CNOT4: variants seen among roughly 807,000 people sequenced by gnomAD.
The protein encoded by CNOT4 is CCR4-associated factor 4.
CNOT4 carries 8 observed loss-of-function variants against 73.8 expected under a neutral mutation model. The ratio of observed to expected loss-of-function variants is 0.11; its 90% CI spans 0.06 to 0.20. The LOEUF (loss-of-function observed/expected upper bound fraction) is 0.20, where lower values mean the gene tolerates loss of function less well. CNOT4 is among the 10% of genes least tolerant of loss of function. CNOT4 has a pLI of 1.00. For synonymous variants in CNOT4, 293 were observed against 321.1 expected, an observed-to-expected ratio of 0.91 and a Z score of 0.94; for missense variants, 564 against 883.4, an observed-to-expected ratio of 0.64 and a Z score of 4.58.
intron 1 of CNOT4, among the ~76,000 whole-genome samples, chr7:135,468,307 G>A (rs1801353826): frequency 6.6e-6 from 1 of 152,070 alleles, no homozygotes; most frequent in Non-Finnish European, 1.5e-5. Flanking sequence ...ATTTTGAATA[G>A]TTAATTTGTA....
At chr7:135,469,177 C>G (rs556488483) in intron 1 of CNOT4, among the ~76,000 whole-genome samples, 1 of 151,642 alleles carries the variant, frequency 6.6e-6, no homozygotes, top group South Asian at 2.1e-4. Context: ...TTTGTTTATT[C>G]AACAAATTAT....
intron 10 of CNOT4, among the ~76,000 whole-genome samples, chr7:135,375,392 A>C (rs1795461157): frequency 6.6e-6 from 1 of 152,218 alleles, no homozygotes; most frequent in Non-Finnish European, 1.5e-5. Context: ...ATTTTGGCTT[A>C]ACCAAGATAA....
intron 7 of CNOT4, among the ~76,000 whole-genome samples, chr7:135,404,097 T>C (rs1797150747): frequency 6.6e-6 from 1 of 152,170 alleles, no homozygotes; most frequent in Non-Finnish European, 1.5e-5. Flanking sequence ...GGCCAAGATA[T>C]CCCAGTTCAC....
At chr7:135,390,137 G>A (rs940920991) in intron 10 of CNOT4, among the ~76,000 whole-genome samples, 2 of 151,628 alleles carry the variant, frequency 1.3e-5, no homozygotes, top group Non-Finnish European at 1.5e-5. Context: ...TGATAAAAAG[G>A]GACTTCCAAG....
chr7:135,506,813 A>C (rs1039014759), intron 1 of CNOT4, among the ~76,000 whole-genome samples: 1 of 151,918 alleles, frequency 6.6e-6, no homozygotes, highest in Non-Finnish European at 1.5e-5. Flanking sequence ...GCACCACTGC[A>C]CTCCAGCCTG....
chr7:135,451,093 A>C (rs112218170), intron 1 of CNOT4, among the ~76,000 whole-genome samples: 2 of 152,368 alleles, frequency 1.3e-5, no homozygotes, highest in African/African-American at 4.8e-5. Context: ...AAACAGTTGC[A>C]CATCTGCATG....
intron 1 of CNOT4, among the ~76,000 whole-genome samples, chr7:135,456,880 C>T (rs190505402): frequency 3.0e-4 from 45 of 152,024 alleles, no homozygotes; most frequent in African/African-American, 1.1e-3. Flanking sequence ...ACGCATCACC[C>T]ATGGATAAGG....
chr7:135,420,109 T>C (rs1373689930), intron 3 of CNOT4, among the ~76,000 whole-genome samples: 1 of 151,912 alleles, frequency 6.6e-6, no homozygotes. Context: ...AAATATCATA[T>C]TCAGTCTATG....
At chr7:135,479,854 C>T (rs1307464225) in intron 1 of CNOT4, among the ~76,000 whole-genome samples, 5 of 152,124 alleles carry the variant, frequency 3.3e-5, no homozygotes. Context: ...CGCACCACTG[C>T]ACTCCAGGCT....
intron 5 of CNOT4, 38 bp downstream of exon 5, chr7:135,414,293 C>CT: frequency 1.3e-6 from 1 of 776,406 alleles, no homozygotes. Flanking sequence ...TCTCGTCTTC[C>CT]TTAAAAAAAA....
intron 10 of CNOT4, chr7:135,387,152 C>T: frequency 3.1e-6 from 3 of 979,300 alleles, no homozygotes; most frequent in Non-Finnish European, 3.6e-6. Flanking sequence ...AATAAGTCTA[C>T]AATATTAATA....
intron 6 of CNOT4, among the ~76,000 whole-genome samples, chr7:135,411,203 C>T (rs1184836239): frequency 6.6e-6 from 1 of 151,958 alleles, no homozygotes; most frequent in Non-Finnish European, 1.5e-5. Context: ...CTATGGTTAT[C>T]AAAAGTAAAA....
intron 3 of CNOT4, among the ~76,000 whole-genome samples, chr7:135,420,255 T>C (rs1798106271): frequency 6.6e-6 from 1 of 151,938 alleles, no homozygotes; most frequent in African/African-American, 2.4e-5. Context: ...TTCCATTCAT[T>C]TACTGGAACT....
At position 135,363,102 on chromosome 7, in the gene CNOT4, G is replaced by T; in HGVS notation, c.1925C>A (p.Thr642Lys). Reference protein sequence around the residue: ...PHWLKSLQALTEMDGPSAAPS... With the variant: ...PHWLKSLQALKEMDGPSAAPS... The stretch of plus-strand genomic sequence containing the variant: ...AGCAGCGCTGGGGCCGTCCATCTCT[G>T]TGAGGGCCTGAAGGGATTTTAGCCA... The change falls in exon 12 of 12, where the codon ACA becomes AAA. Residue 642 changes from threonine (T) to lysine (K), a missense_variant. Thr to Lys is a moderately conservative substitution (Grantham distance 78). Transcript: ENST00000541284. This position sits in a 1 kb window ranked among gnomAD's most constrained non-coding sequence, Gnocchi z 4.3. 6.2e-7 allele frequency: 1 copy of T among 1,614,022 alleles called. No homozygotes were observed. The highest frequency in any genetic ancestry group is 8.5e-7 in the Non-Finnish European group (1 of 1,179,980).
intron 7 of CNOT4, among the ~76,000 whole-genome samples, chr7:135,403,628 T>A (rs1318160565): frequency 1.3e-5 from 2 of 152,022 alleles, no homozygotes; most frequent in Admixed American, 6.6e-5. Flanking sequence ...AATAAAAAGG[T>A]AAGAAAAATG....
intron 1 of CNOT4, among the ~76,000 whole-genome samples, chr7:135,458,920 T>C (rs1800708699): frequency 6.6e-6 from 1 of 152,076 alleles, no homozygotes; most frequent in Admixed American, 6.6e-5. Flanking sequence ...CCTCCTCCCA[T>C]CAATCAGGGA....
At chr7:135,369,577 C>A (rs904570246) in intron 10 of CNOT4, among the ~76,000 whole-genome samples, 5 of 152,230 alleles carry the variant, frequency 3.3e-5, no homozygotes, top group Non-Finnish European at 7.3e-5. Context: ...TTCAAAACCA[C>A]AGGCTCCAGT....
At chr7:135,381,092 C>CA (rs200360824) in intron 10 of CNOT4, among the ~76,000 whole-genome samples, 10 of 150,314 alleles carry the variant, frequency 6.7e-5, no homozygotes, top group South Asian at 2.1e-4. Flanking sequence ...TTGGTTCCTT[C>CA]AAAAAAAAAT....
At chr7:135,438,073 T>C in intron 2 of CNOT4, 85 bp downstream of exon 2, 1 of 712,614 alleles carries the variant, frequency 1.4e-6, no homozygotes, top group Non-Finnish European at 2.4e-6. Flanking sequence ...TTGCACAGTC[T>C]TTTAAATTCA....
Sources: gnomAD v4.1 joint callset for allele counts (sites outside exome capture counted in the v4.1 genomes callset) on GRCh38, gnomAD v4.1.1 for gene constraint, Gnocchi (gnomAD v3.1) non-coding constraint, MANE v1.5 for transcripts, NCBI Gene and HGNC (gene_info 2026-07-23, HGNC 2026-07-21) for gene names.